Variants in EDC3 observed in about 807,000 individuals in gnomAD.
EDC3 encodes the protein enhancer of mRNA decapping 3, also known as enhancer of mRNA-decapping protein 3.
EDC3 carries 20 observed loss-of-function variants against 41.8 expected under a neutral mutation model. That is an observed-to-expected ratio of 0.48 (90% CI 0.34 to 0.70). The LOEUF (loss-of-function observed/expected upper bound fraction) is 0.70. Ranked by LOEUF, EDC3 falls within the 30% of genes least tolerant of loss-of-function variation. The pLI is 0.01. For synonymous variants in EDC3, 206 were observed against 243.2 expected, an observed-to-expected ratio of 0.85 and a Z score of 1.42; for missense variants, 444 against 636.8, an observed-to-expected ratio of 0.70 and a Z score of 3.26.
Position 74,632,777 on chromosome 15 carries a change from A to T in EDC3, c.1362T>A (p.Asp454Glu). 1 of 1,614,258 alleles carries T rather than the reference A, an allele frequency of 6.2e-7. No homozygotes were observed. ...PPVHEVEQGIDAKWSLALGLP... is the reference protein window; with the variant it reads ...PPVHEVEQGIEAKWSLALGLP... ...GGCCCAGTGCCAGTGACCATTTGGC[A>T]TCAATGCCCTGTTCGACTTCATGCA... Residue 454 changes from aspartate (D) to glutamate (E), a missense_variant, in exon 7 of 7, where the codon GAT (aspartate) becomes GAA (glutamate). Around this residue, in one of 3 missense-constraint regions of EDC3, gnomAD observed 242 missense variants for 363.8 expected, o/e 0.67. Transcript: ENST00000315127. This position sits in a 1 kb window ranked among gnomAD's most constrained non-coding sequence, Gnocchi z 4.0.
Position 74,640,465 on chromosome 15 carries a change from C to G in EDC3, c.974+1G>C. On this transcript the variant is annotated splice_donor_variant, in intron 5 of 6. Transcript: ENST00000315127. LOFTEE classifies it high-confidence loss of function. ...GTCCCTGCCAGTTTATAGACATTTA[C>G]CTGTTAGGTCCTCCGAGGAGGGTCA... 1 of 1,613,734 alleles carries G rather than the reference C, an allele frequency of 6.2e-7. No individual in the cohort carries two copies. Among genetic ancestry groups the G allele is most frequent in the South Asian group, 1.1e-5 (1 of 91,068 alleles).
intron 1 of EDC3, among the ~76,000 whole-genome samples, chr15:74,688,721 C>T (rs1322686534): frequency 6.6e-6 from 1 of 152,056 alleles, no homozygotes; most frequent in Non-Finnish European, 1.5e-5. Flanking sequence ...ATCTAGCCAA[C>T]ATGGCAAAAC....
intron 4 of EDC3, chr15:74,643,465 C>T (rs1237845831): frequency 1.3e-5 from 2 of 152,160 alleles, no homozygotes; most frequent in Non-Finnish European, 2.9e-5. Context: ...ACAACAAGTA[C>T]ACTCAGTACA....
rs149738321 is a variant in EDC3, at chr15:74,635,089, C to T, written c.1192+320G>A. ...GTATGTTACATGTCTTTTTGTTCCT[C>T]CTAACCAGAATATAAGCTCCACAGA... On this transcript the variant is annotated intron_variant, in intron 6 of 6. Transcript: ENST00000315127. The T allele has an allele frequency of 9.8e-4, 537 of 546,222 alleles. 4 individuals are homozygous for T. Among genetic ancestry groups the T allele is most frequent in the South Asian group, 1.7e-3 (110 of 65,368 alleles). The allele number at this position is 546,222 out of a possible 1,614,324, so 33.8% of individuals were successfully genotyped here. A position where few individuals can be genotyped will look rare whatever the true frequency, so the allele number is the denominator to read the frequency against.
intron 1 of EDC3, among the ~76,000 whole-genome samples, chr15:74,692,198 T>C (rs1253879883): frequency 6.6e-6 from 1 of 152,178 alleles, no homozygotes; most frequent in Non-Finnish European, 1.5e-5. Flanking sequence ...ATAAAGCCTT[T>C]CATCTGGCCT....
chr15:74,690,830 T>C (rs2062999152), intron 1 of EDC3, among the ~76,000 whole-genome samples: 1 of 151,336 alleles, frequency 6.6e-6, no homozygotes, highest in African/African-American at 2.4e-5. Context: ...CCTATCTAAA[T>C]CCAGTACTAA....
intron 5 of EDC3, chr15:74,638,937 T>C (rs907186761): frequency 1.3e-5 from 2 of 151,472 alleles, no homozygotes; most frequent in Non-Finnish European, 2.9e-5. Context: ...TCCACTTCTC[T>C]TTCTAAGAGA....
In EDC3 at chr15:74,636,595, G is replaced by A. The variant is rs375491178; in HGVS notation, c.975-969C>T. 16 of 152,352 alleles carry A rather than the reference G, an allele frequency of 1.1e-4. No individual in the cohort carries two copies. The East Asian group carries it at 2.7e-3, about 26-fold the overall frequency. 9.4% of individuals were successfully genotyped at this position (152,352 alleles called of 1,614,324 possible). On this transcript the variant is annotated intron_variant, in intron 5 of 6. Coordinates refer to ENST00000315127, the MANE Select transcript of EDC3 (RefSeq NM_025083.5). ...GCAGCAATGTAGGGAGGAGATGGACGGCAAGGCCATAGGTCCCTGCCTAGT... is the reference window on the plus strand; with the variant it reads ...GCAGCAATGTAGGGAGGAGATGGACAGCAAGGCCATAGGTCCCTGCCTAGT...
At chr15:74,652,737 C>T (rs1345321777) in intron 4 of EDC3, among the ~76,000 whole-genome samples, 1 of 152,012 alleles carries the variant, frequency 6.6e-6, no homozygotes, top group East Asian at 2.0e-4. Flanking sequence ...TGCCACCGTG[C>T]CCAGCTAATG....
At chr15:74,653,051 G>A (rs936231639) in intron 4 of EDC3, among the ~76,000 whole-genome samples, 31 of 151,968 alleles carry the variant, frequency 2.0e-4, no homozygotes. Context: ...ATGGTGGCAG[G>A]TGCCTGTAAT....
intron 5 of EDC3, 83 bp from the exon 6 acceptor site, chr15:74,635,709 C>G: frequency 7.8e-7 from 1 of 1,279,536 alleles, no homozygotes; most frequent in South Asian, 1.4e-5. Flanking sequence ...CCTGTAGCAC[C>G]TATTGGTCTC....
Position 74,632,557 on chromosome 15 carries a change from C to T in EDC3, c.*55G>A, listed in dbSNP as rs957113922. The T allele has an allele frequency of 9.2e-5, 145 of 1,572,050 alleles. 2 individuals are homozygous for T. In the South Asian group the frequency reaches 1.5e-3, roughly 16 times the overall value. On this transcript the variant is annotated 3_prime_UTR_variant, in exon 7 of 7. Transcript: ENST00000315127. The surrounding 1 kb of genome is among the most constrained non-coding windows in gnomAD (Gnocchi z 4.0). Reference sequence around the variant, plus strand: ...TCCATGAAGCTTCATATCCTTAAGGCGTTTGTTATCAGGAGCAGCAGGGGA... The same window carrying T: ...TCCATGAAGCTTCATATCCTTAAGGTGTTTGTTATCAGGAGCAGCAGGGGA...
In EDC3 at chr15:74,671,445, C is replaced by T. The variant is rs1158630757; in HGVS notation, c.484+10G>A. The T allele has an allele frequency of 1.2e-6, 2 of 1,603,134 alleles. No individual in the cohort carries two copies. Among genetic ancestry groups the T allele is most frequent in the Non-Finnish European group, 1.7e-6 (2 of 1,171,632 alleles). On this transcript the variant is annotated intron_variant, in intron 3 of 6. Coordinates refer to ENST00000315127, the MANE Select transcript of EDC3 (RefSeq NM_025083.5). The surrounding 1 kb of genome is among the most constrained non-coding windows in gnomAD (Gnocchi z 4.6). ...AGATTGAGAAGAAATATCAACTTGA[C>T]CCTACTTACAGGAGTTGTGCCGACG... is the stretch of plus-strand genomic sequence containing the variant.
At chr15:74,687,068 C>T (rs2062946862) in intron 1 of EDC3, 1 of 152,168 alleles carries the variant, frequency 6.6e-6, no homozygotes, top group Admixed American at 6.6e-5. Context: ...ATAAAGCACT[C>T]CTGGCTGGGT....
chr15:74,677,602 C>A (rs2062821475), intron 1 of EDC3, among the ~76,000 whole-genome samples: 1 of 152,054 alleles, frequency 6.6e-6, no homozygotes. Context: ...AACTCCTGAC[C>A]TCAGGTGATC....
intron 1 of EDC3, among the ~76,000 whole-genome samples, chr15:74,689,810 C>T (rs1401749535): frequency 6.6e-6 from 1 of 151,736 alleles, no homozygotes; most frequent in Non-Finnish European, 1.5e-5. Flanking sequence ...AGGCGTGAGC[C>T]ACTGCGCCCG....
chr15:74,687,845 T>C (rs2062956734), intron 1 of EDC3, among the ~76,000 whole-genome samples: 1 of 152,214 alleles, frequency 6.6e-6, no homozygotes, highest in South Asian at 2.1e-4. Flanking sequence ...TCTACTCAGA[T>C]GCTTAGATAG....
chr15:74,695,394 G>A (rs1238177091), intron 1 of EDC3: 3 of 152,184 alleles, frequency 2.0e-5, no homozygotes, highest in African/African-American at 4.8e-5. Context: ...TGAATCCAGG[G>A]ATAACTTCCT....
At chr15:74,635,048 T>TA (rs763374140) in intron 6 of EDC3, 1 of 479,736 alleles carries the variant, frequency 2.1e-6, no homozygotes, top group South Asian at 1.5e-5. Flanking sequence ...CCACATCACT[T>TA]ACTACAACTA....
Sources: gnomAD v4.1 joint callset for allele counts (sites outside exome capture counted in the v4.1 genomes callset) on GRCh38, gnomAD v4.1.1 for gene constraint, gnomAD v4.1.1 regional missense constraint, Gnocchi (gnomAD v3.1) non-coding constraint, MANE v1.5 for transcripts, NCBI Gene and HGNC (gene_info 2026-07-23, HGNC 2026-07-21) for gene names.